PHLDB2: variants seen among roughly 807,000 people sequenced by gnomAD.
PHLDB2 encodes pleckstrin homology like domain family B member 2.
In PHLDB2, 71 loss-of-function variants were observed where a neutral mutation model predicts 123.6. That is an observed-to-expected ratio of 0.57 (90% confidence interval 0.47 to 0.70). The LOEUF is 0.70. Ranked by LOEUF, PHLDB2 falls within the 30% of genes least tolerant of loss-of-function variation. PHLDB2 has a pLI of 0.00. For synonymous variants in PHLDB2, 547 were observed against 541.6 expected, an observed-to-expected ratio of 1.01 and a Z score of -0.14; for missense variants, 1,446 against 1,519.5, an observed-to-expected ratio of 0.95 and a Z score of 0.80.
intron 5 of PHLDB2, among the ~76,000 whole-genome samples, chr3:111,922,784 C>T (rs559985912): frequency 4.6e-5 from 7 of 152,182 alleles, no homozygotes; most frequent in Non-Finnish European, 8.8e-5. Flanking sequence ...TCTGTTCATA[C>T]TCCTGGCCAA....
chr3:111,932,405 G>A lies in PHLDB2; in HGVS notation c.2130+8G>A, dbSNP rs779406095. ...CAACAACAACTGAAGAGGGTCAGTA[G>A]CAAACAGGAATGCACCAGTTATTTT... On this transcript the variant is annotated splice_region_variant and intron_variant, in intron 6 of 17. Transcript: ENST00000431670. The A allele has an allele frequency of 1.3e-6, 2 of 1,545,414 alleles. No individual in the cohort carries two copies. Among genetic ancestry groups the A allele is most frequent in the African/African-American group, 1.4e-5 (1 of 72,874 alleles).
At chr3:111,834,383 A>C (rs1038494461) in intron 1 of PHLDB2, among the ~76,000 whole-genome samples, 2 of 145,174 alleles carry the variant, frequency 1.4e-5, no homozygotes, top group African/African-American at 5.0e-5. Flanking sequence ...TCTGATTTTT[A>C]TATATATGTG....
At chr3:111,866,306 C>G (rs1174745183) in intron 1 of PHLDB2, among the ~76,000 whole-genome samples, 6 of 152,060 alleles carry the variant, frequency 3.9e-5, no homozygotes, top group Non-Finnish European at 8.8e-5. Flanking sequence ...GCATGAGCCA[C>G]CGAGCCCGGC....
chr3:111,840,298 C>G (rs2063623944), intron 1 of PHLDB2, among the ~76,000 whole-genome samples: 1 of 151,912 alleles, frequency 6.6e-6, no homozygotes, highest in Non-Finnish European at 1.5e-5. Flanking sequence ...TTTAAAAAGC[C>G]TTTTCCCCAA....
chr3:111,770,069 T>A (rs1183837181), intron 1 of PHLDB2, among the ~76,000 whole-genome samples: 1 of 152,244 alleles, frequency 6.6e-6, no homozygotes, highest in Non-Finnish European at 1.5e-5. Flanking sequence ...AAGCAGGATC[T>A]TCAATTCATT....
intron 1 of PHLDB2, among the ~76,000 whole-genome samples, chr3:111,735,416 A>T (rs2107903396): frequency 6.6e-6 from 1 of 152,302 alleles, no homozygotes; most frequent in South Asian, 2.1e-4. Context: ...TGTCCTAAAG[A>T]TTCCATTAGC....
At chr3:111,956,658 T>C (rs2071080334) in intron 12 of PHLDB2, among the ~76,000 whole-genome samples, 1 of 152,134 alleles carries the variant, frequency 6.6e-6, no homozygotes, top group South Asian at 2.1e-4. Flanking sequence ...TCCAAGGAGA[T>C]GTGTTCTGAA....
intron 1 of PHLDB2, among the ~76,000 whole-genome samples, chr3:111,792,644 C>A (rs1161326458): frequency 6.6e-6 from 1 of 152,042 alleles, no homozygotes. Context: ...GAATTTGAAG[C>A]TTTAGTGAGC....
intron 10 of PHLDB2, chr3:111,949,904 G>A: frequency 1.0e-6 from 1 of 983,084 alleles, no homozygotes; most frequent in Non-Finnish European, 1.2e-6. Flanking sequence ...ATTAGGAACT[G>A]GAATTTAGAG....
chr3:111,884,114 T>A lies in PHLDB2; in HGVS notation c.37T>A (p.Leu13Ile). Residue 13 changes from leucine (L) to isoleucine (I), a missense_variant, in exon 2 of 18, where the codon TTA becomes ATA. This residue lies in a region of PHLDB2 where 832 missense variants were observed against 831.9 expected (regional missense o/e 1.00). Transcript: ENST00000431670. ...EHSYIQKELD[L>I]QNGSLEEDSV... is the part of the protein sequence containing the mutation. Reference sequence around the variant, plus strand: ...TAGCTACATACAAAAGGAGCTAGATTTACAAAATGGTAGCTTAGAGGAAGA... The same window carrying A: ...TAGCTACATACAAAAGGAGCTAGATATACAAAATGGTAGCTTAGAGGAAGA... 6.2e-7 allele frequency: 1 copy of A among 1,614,056 alleles called. No homozygotes were observed. The highest frequency in any genetic ancestry group is 8.5e-7 in the Non-Finnish European group (1 of 1,179,942).
intron 1 of PHLDB2, among the ~76,000 whole-genome samples, chr3:111,746,617 T>G (rs2059685945): frequency 1.3e-5 from 2 of 151,996 alleles, no homozygotes; most frequent in Non-Finnish European, 2.9e-5. Context: ...TTCTAAAAAT[T>G]AGCTGGGTGT....
intron 2 of PHLDB2, among the ~76,000 whole-genome samples, chr3:111,905,005 A>G (rs1315915306): frequency 6.6e-6 from 1 of 152,214 alleles, no homozygotes; most frequent in Non-Finnish European, 1.5e-5. Context: ...AGAGAACGGC[A>G]ATGATTTTTC....
chr3:111,843,479 C>G (rs1271062228), intron 1 of PHLDB2, among the ~76,000 whole-genome samples: 1 of 152,226 alleles, frequency 6.6e-6, no homozygotes, highest in Non-Finnish European at 1.5e-5. Flanking sequence ...CAGCTCTTAA[C>G]TCCAGGGCTC....
At chr3:111,861,204 G>T (rs1027275340) in intron 1 of PHLDB2, among the ~76,000 whole-genome samples, 1 of 152,196 alleles carries the variant, frequency 6.6e-6, no homozygotes, top group Non-Finnish European at 1.5e-5. Flanking sequence ...CTCTCTTGCC[G>T]TTGCCTTCAA....
intron 1 of PHLDB2, among the ~76,000 whole-genome samples, chr3:111,834,692 C>T (rs1358407842): frequency 6.6e-6 from 1 of 151,910 alleles, no homozygotes; most frequent in Non-Finnish European, 1.5e-5. Flanking sequence ...TTAATAAATG[C>T]TGCCAAATTA....
intron 1 of PHLDB2, among the ~76,000 whole-genome samples, chr3:111,865,349 A>G (rs1191956533): frequency 6.6e-6 from 1 of 152,200 alleles, no homozygotes; most frequent in Non-Finnish European, 1.5e-5. Context: ...TGCTAAAACA[A>G]TTTACCATGC....
chr3:111,789,855 A>G (rs2060841296), intron 1 of PHLDB2, among the ~76,000 whole-genome samples: 1 of 152,200 alleles, frequency 6.6e-6, no homozygotes, highest in Non-Finnish European at 1.5e-5. Context: ...CAACTGAGCA[A>G]TACAAAACTG....
chr3:111,819,769 A>G (rs2062278903), intron 1 of PHLDB2, among the ~76,000 whole-genome samples: 1 of 152,218 alleles, frequency 6.6e-6, no homozygotes. Flanking sequence ...CCTTTAGAAT[A>G]TACAATGACT....
intron 1 of PHLDB2, 21 bp from the exon 2 acceptor site, chr3:111,884,043 T>C: frequency 6.3e-7 from 1 of 1,575,428 alleles, no homozygotes; most frequent in Non-Finnish European, 8.6e-7. Context: ...AGGCAAAATT[T>C]TCTGTTTTAT....
Sources: gnomAD v4.1 joint callset for allele counts (sites outside exome capture counted in the v4.1 genomes callset) on GRCh38, gnomAD v4.1.1 for gene constraint, gnomAD v4.1.1 regional missense constraint, MANE v1.5 for transcripts, NCBI Gene and HGNC (gene_info 2026-07-23, HGNC 2026-07-21) for gene names.